The following ROBO1 variants were observed in gnomAD, a reference collection of about 807,000 sequenced individuals.
ROBO1 encodes the protein roundabout homolog 1.
In ROBO1, 149 loss-of-function variants were observed where a neutral mutation model predicts 195.9. The ratio of observed to expected loss-of-function variants is 0.76; its 90% CI spans 0.67 to 0.87. The LOEUF is 0.87. Among genes scored for constraint, ROBO1 ranks in the 40% least tolerant of loss-of-function variants. ROBO1 has a pLI of 0.00. For missense variants in ROBO1, 1,933 were observed against 2,068.3 expected, an observed-to-expected ratio of 0.93 and a Z score of 1.27; for synonymous variants, 816 against 733.2, an observed-to-expected ratio of 1.11 and a Z score of -1.82.
chr3:79,492,232 C>G (rs1426737758), intron 2 of ROBO1, among the ~76,000 whole-genome samples: 1 of 151,960 alleles, frequency 6.6e-6, no homozygotes, highest in Admixed American at 6.6e-5. Context: ...TGATACCAGC[C>G]TGATCAACGT....
chr3:79,232,127 A>C (rs531364868), intron 2 of ROBO1, among the ~76,000 whole-genome samples: 3 of 152,094 alleles, frequency 2.0e-5, no homozygotes, highest in African/African-American at 7.2e-5. Flanking sequence ...TGGGTGATGA[A>C]ATAATCTGTA....
intron 3 of ROBO1, among the ~76,000 whole-genome samples, chr3:78,995,367 T>C (rs1487703919): frequency 6.6e-6 from 1 of 152,032 alleles, no homozygotes; most frequent in Non-Finnish European, 1.5e-5. Context: ...CCAGCAAGCA[T>C]GATGAACCTG....
At chr3:79,377,758 G>T (rs2036434412) in intron 2 of ROBO1, among the ~76,000 whole-genome samples, 1 of 152,108 alleles carries the variant, frequency 6.6e-6, no homozygotes, top group Admixed American at 6.5e-5. Flanking sequence ...GAGCCTAACT[G>T]CTCATGTTTT....
intron 3 of ROBO1, among the ~76,000 whole-genome samples, chr3:78,950,354 C>T (rs2040706115): frequency 2.6e-5 from 4 of 151,776 alleles, no homozygotes; most frequent in African/African-American, 7.3e-5. Context: ...AGTTCATGTC[C>T]TTTGTAGGGA....
At chr3:78,692,959 T>C (rs143339607) in intron 8 of ROBO1, 2,271 of 165,890 alleles carry the variant, frequency 0.014, 27 homozygotes, top group Non-Finnish European at 0.022. Context: ...ATACATGAAT[T>C]CACAAATATA....
chr3:78,998,960 T>A (rs991032157), intron 3 of ROBO1, among the ~76,000 whole-genome samples: 1 of 151,970 alleles, frequency 6.6e-6, no homozygotes, highest in African/African-American at 2.4e-5. Context: ...AGGAAAAATA[T>A]GAAAAAATGC....
chr3:79,648,346 G>A (rs1945896594), intron 1 of ROBO1, among the ~76,000 whole-genome samples: 1 of 151,900 alleles, frequency 6.6e-6, no homozygotes, highest in Non-Finnish European at 1.5e-5. Context: ...AAAACCGTTG[G>A]GAATCAAGCA....
chr3:79,019,102 A>T, intron 3 of ROBO1: 2 of 987,266 alleles, frequency 2.0e-6, no homozygotes, highest in Non-Finnish European at 2.4e-6. Context: ...TGTTCCCATC[A>T]CTTGGGGGAT....
chr3:79,053,728 T>C (rs1307778921), intron 3 of ROBO1, among the ~76,000 whole-genome samples: 1 of 150,796 alleles, frequency 6.6e-6, no homozygotes, highest in African/African-American at 2.4e-5. Flanking sequence ...CAGTTTGCCT[T>C]ATCTACACAT....
intron 2 of ROBO1, among the ~76,000 whole-genome samples, chr3:79,421,894 C>T (rs1416159887): frequency 6.6e-6 from 1 of 151,684 alleles, no homozygotes; most frequent in African/African-American, 2.4e-5. Context: ...AAATATTTTG[C>T]ACAAAACCAC....
chr3:79,559,839 C>T (rs1380979997), intron 2 of ROBO1, among the ~76,000 whole-genome samples: 2 of 152,062 alleles, frequency 1.3e-5, no homozygotes, highest in Non-Finnish European at 2.9e-5. Context: ...ATTGCTTGAA[C>T]CCGGGAGGTG....
intron 2 of ROBO1, among the ~76,000 whole-genome samples, chr3:79,474,832 G>A (rs1471862805): frequency 6.6e-6 from 1 of 151,962 alleles, no homozygotes; most frequent in Non-Finnish European, 1.5e-5. Flanking sequence ...TGACAACAAA[G>A]TGCATTCTCT....
At chr3:79,537,335 T>C (rs1334778729) in intron 2 of ROBO1, among the ~76,000 whole-genome samples, 2 of 152,246 alleles carry the variant, frequency 1.3e-5, no homozygotes, top group South Asian at 4.2e-4. Flanking sequence ...CAAGGCATTA[T>C]GAGGGCATGG....
At chr3:78,684,996 C>T (rs1246516772) in intron 10 of ROBO1, among the ~76,000 whole-genome samples, 1 of 152,000 alleles carries the variant, frequency 6.6e-6, no homozygotes, top group Non-Finnish European at 1.5e-5. Flanking sequence ...AATTTAGCTT[C>T]AGAAGTAAGA....
At chr3:79,333,448 AT>A (rs1230535492) in intron 2 of ROBO1, among the ~76,000 whole-genome samples, 1 of 152,092 alleles carries the variant, frequency 6.6e-6, no homozygotes, top group Non-Finnish European at 1.5e-5. Context: ...ACATATCCTC[AT>A]CAATTATCAA....
intron 1 of ROBO1, among the ~76,000 whole-genome samples, chr3:79,765,523 A>G (rs553230305): frequency 9.2e-5 from 14 of 152,300 alleles, no homozygotes; most frequent in African/African-American, 3.4e-4. Flanking sequence ...TCCTCAAGAT[A>G]TAGTAGAGAA....
chr3:78,672,669 A>C (rs1398126324), intron 10 of ROBO1, among the ~76,000 whole-genome samples: 1 of 152,088 alleles, frequency 6.6e-6, no homozygotes, highest in East Asian at 1.9e-4. Context: ...TAGAGAAATG[A>C]AAGTTTTTGA....
At chr3:79,205,476 T>A (rs2108789025) in intron 2 of ROBO1, among the ~76,000 whole-genome samples, 1 of 152,256 alleles carries the variant, frequency 6.6e-6, no homozygotes, top group African/African-American at 2.4e-5. Context: ...ATATACAATA[T>A]TGGGCCTGAA....
chr3:79,288,109 A>C (rs895915833), intron 2 of ROBO1, among the ~76,000 whole-genome samples: 3 of 152,190 alleles, frequency 2.0e-5, no homozygotes, highest in Non-Finnish European at 4.4e-5. Flanking sequence ...TTCCCTTGAA[A>C]GTAAAACAGC....
Sources: gnomAD v4.1 joint callset for allele counts (sites outside exome capture counted in the v4.1 genomes callset) on GRCh38, gnomAD v4.1.1 for gene constraint, MANE v1.5 for transcripts, NCBI Gene and HGNC (gene_info 2026-07-23, HGNC 2026-07-21) for gene names.